The following SLC12A7 variants were observed in gnomAD, a reference collection of about 807,000 sequenced individuals.
SLC12A7 encodes K-Cl cotransporter 4.
In SLC12A7, 100 loss-of-function variants were observed where a neutral mutation model predicts 120.6. That is an observed-to-expected ratio of 0.83 (90% CI 0.71 to 0.98). SLC12A7 has a LOEUF of 0.98. SLC12A7 is among the 50% of genes least tolerant of loss of function. The probability of loss-of-function intolerance (pLI) is 0.00; values close to 1 mark genes in which losing one functional copy is unlikely to be tolerated. For missense variants in SLC12A7, 1,373 were observed against 1,548.1 expected (o/e 0.89, Z 1.90); for synonymous variants, 760 against 678.0 (o/e 1.12, Z -1.88).
rs765672556 is a variant in SLC12A7, at chr5:1,085,401, T to G, written c.748A>C (p.Asn250His). ...GTGCACGTGCCGTACACACGCATGT[T>G]GTGCAGCATGGCGGCCGCCTCGCCA... is the stretch of plus-strand genomic sequence containing the variant. ...AGGEAAAMLH[N>H]MRVYGTCTLV... Residue 250 changes from asparagine to histidine, a missense_variant, in exon 7 of 24, where the codon AAC becomes CAC. Asn to His is a moderately conservative substitution (Grantham distance 68). Transcript: ENST00000264930. 5 of 1,611,348 alleles carry G rather than the reference T, an allele frequency of 3.1e-6. No individual in the cohort carries two copies. In the Admixed American group the frequency reaches 6.7e-5, roughly 22 times the overall value.
chr5:1,066,766 C>T (rs1009300195), intron 17 of SLC12A7, among the ~76,000 whole-genome samples: 7 of 152,298 alleles, frequency 4.6e-5, no homozygotes, highest in Admixed American at 2.6e-4. Context: ...CGCCCAGGGT[C>T]GCCCGGGGGC....
chr5:1,063,043 G>C (rs1400322743), intron 20 of SLC12A7: 1 of 152,340 alleles, frequency 6.6e-6, no homozygotes, highest in Non-Finnish European at 1.5e-5. Flanking sequence ...AGCAGGCATG[G>C]TTCCATCCAG....
intron 1 of SLC12A7, among the ~76,000 whole-genome samples, chr5:1,106,243 A>G (rs1742519690): frequency 6.6e-6 from 1 of 152,240 alleles, no homozygotes; most frequent in Non-Finnish European, 1.5e-5. Flanking sequence ...ACTAGAGGCC[A>G]GGAGTTCAAA....
chr5:1,102,804 C>T (rs1484471052), intron 1 of SLC12A7, among the ~76,000 whole-genome samples: 1 of 152,170 alleles, frequency 6.6e-6, no homozygotes, highest in Non-Finnish European at 1.5e-5. Flanking sequence ...TGAGTCCCAC[C>T]TGGTGACCCA....
chr5:1,075,493 G>A lies in SLC12A7; in HGVS notation c.1848-3C>T. The A allele has an allele frequency of 1.2e-6, 2 of 1,609,050 alleles. No individual in the cohort carries two copies. Among genetic ancestry groups the A allele is most frequent in the Non-Finnish European group, 1.7e-6 (2 of 1,177,026 alleles). On this transcript the variant is annotated splice_region_variant and splice_polypyrimidine_tract_variant and intron_variant, in intron 14 of 23. Coordinates refer to ENST00000264930, the MANE Select transcript of SLC12A7 (RefSeq NM_006598.3). ...TCATACCCAGAAAGGACAGGGTCCT[G>A]GGGGCGGGGCAAGTGGCTCGGGGCG...
intron 1 of SLC12A7, among the ~76,000 whole-genome samples, chr5:1,096,083 T>G (rs1261651981): frequency 2.0e-5 from 3 of 152,236 alleles, no homozygotes; most frequent in Non-Finnish European, 2.9e-5. Context: ...GGCCAGTTGG[T>G]GAGATCTGAA....
At chr5:1,114,498 G>T (rs185448531), upstream of SLC12A7, among the ~76,000 whole-genome samples, 2 of 152,066 alleles carry the variant, frequency 1.3e-5, no homozygotes, top group African/African-American at 2.4e-5. Flanking sequence ...GTGGGTTTCC[G>T]TGTCCACGTA....
At chr5:1,115,695 A>G (rs1743288483), upstream of SLC12A7, among the ~76,000 whole-genome samples, 1 of 151,364 alleles carries the variant, frequency 6.6e-6, no homozygotes, top group Non-Finnish European at 1.5e-5. Context: ...GAGGCCCCAC[A>G]CTCCTTCTCA....
At chr5:1,100,155 G>A (rs562396891) in intron 1 of SLC12A7, among the ~76,000 whole-genome samples, 199 of 152,260 alleles carry the variant, frequency 1.3e-3, no homozygotes, top group Non-Finnish European at 1.9e-3. Flanking sequence ...AGACTCAGGC[G>A]GGTGTCTGCA....
chr5:1,150,938 G>A, the SLC12A7 span, among the ~76,000 whole-genome samples: 1 of 152,268 alleles, frequency 6.6e-6, no homozygotes, highest in Non-Finnish European at 1.5e-5. Context: ...AGAGCATGCA[G>A]CCAGCTGAGG....
At chr5:1,060,985 C>CGG (rs1561034377) in intron 20 of SLC12A7, among the ~76,000 whole-genome samples, 4 of 151,332 alleles carry the variant, frequency 2.6e-5, no homozygotes, top group African/African-American at 9.8e-5. Context: ...GCGTCTCACC[C>CGG]ACTGCACCTG....
chr5:1,091,610 G>A (rs1179945093), intron 3 of SLC12A7, among the ~76,000 whole-genome samples: 2 of 152,206 alleles, frequency 1.3e-5, no homozygotes, highest in African/African-American at 4.8e-5. Flanking sequence ...CCCAGCATGC[G>A]TGAAACCCCA....
intron 1 of SLC12A7, among the ~76,000 whole-genome samples, chr5:1,101,158 C>G (rs1202634716): frequency 1.3e-5 from 2 of 152,232 alleles, no homozygotes; most frequent in Admixed American, 6.5e-5. Context: ...CTCACCTGCC[C>G]CGAGCGGCCC....
chr5:1,094,127 C>A, intron 2 of SLC12A7, 27 bp downstream of exon 2: 1 of 1,583,890 alleles, frequency 6.3e-7, no homozygotes, highest in East Asian at 2.2e-5. Flanking sequence ...GGCCCTGGCA[C>A]CTTCTTCTTC....
Position 1,081,670 on chromosome 5 carries a change from C to A in SLC12A7, c.1204G>T (p.Glu402Ter), listed in dbSNP as rs377138791. The change falls in exon 9 of 24, where the codon GAG becomes TAG. Residue 402 changes from glutamate to a stop codon, truncating the protein, a stop_gained. Transcript: ENST00000264930. LOFTEE classifies it high-confidence loss of function. ...GGCAGTGCGCTGGCACGGCTCTCCT[C>A]TGCCACGGGCACCGAGGGCACACCT... is the stretch of plus-strand genomic sequence containing the variant. ...KKGVPSVPVA[E>*]ESRASALPYV... 2.5e-6 allele frequency: 4 copies of A among 1,613,038 alleles called. No homozygotes were observed. The highest frequency in any genetic ancestry group is 1.1e-5 in the South Asian group (1 of 91,092).
chr5:1,057,123 A>C (rs1735703386), intron 22 of SLC12A7: 1 of 230,800 alleles, frequency 4.3e-6, no homozygotes, highest in Non-Finnish European at 8.3e-6. Flanking sequence ...ATCAGGACCC[A>C]CCCTAGGTCC....
chr5:1,136,717 G>A, the SLC12A7 span, among the ~76,000 whole-genome samples: 5 of 111,184 alleles, frequency 4.5e-5, no homozygotes, highest in South Asian at 9.3e-4. Context: ...ACCAGGACAC[G>A]CAGGCACACG....
rs1490576005 is a variant in SLC12A7 at position 1,057,466 on chromosome 5, C to T, written c.3026+5G>A. ...TCCCCCCAGGCCACACGCACGGACACTCACGGCTTCATGCTGAAGAGGTCT... is the reference window on the plus strand; with the variant it reads ...TCCCCCCAGGCCACACGCACGGACATTCACGGCTTCATGCTGAAGAGGTCT... On this transcript the variant is annotated splice_donor_5th_base_variant and intron_variant, in intron 22 of 23. Transcript: ENST00000264930. The T allele has an allele frequency of 3.7e-6, 6 of 1,607,842 alleles. No homozygotes were observed. Among genetic ancestry groups the T allele is most frequent in the Non-Finnish European group, 1.7e-6 (2 of 1,178,282 alleles).
chr5:1,081,658 C>G lies in SLC12A7; in HGVS notation c.1216G>C (p.Ala406Pro). 6.2e-7 allele frequency: 1 copy of G among 1,613,156 alleles called. No homozygotes were observed. Among genetic ancestry groups the G allele is most frequent in the Non-Finnish European group, 8.5e-7 (1 of 1,179,978 alleles). ...GTGAGCACGTAGGGCAGTGCGCTGG[C>G]ACGGCTCTCCTCTGCCACGGGCACC... ...PSVPVAEESRASALPYVLTDI... is the reference protein window; with the variant it reads ...PSVPVAEESRPSALPYVLTDI... The change falls in exon 9 of 24, where the codon GCC becomes CCC. Residue 406 changes from alanine (A) to proline (P), a missense_variant. Coordinates refer to ENST00000264930, the MANE Select transcript of SLC12A7 (RefSeq NM_006598.3).
Sources: allele counts gnomAD v4.1 joint callset (sites outside exome capture counted in the v4.1 genomes callset), GRCh38; gene constraint gnomAD v4.1.1; transcripts MANE v1.5; gene names NCBI Gene and HGNC (gene_info 2026-07-23, HGNC 2026-07-21).